Variants in CLCN5 observed in about 807,000 individuals in gnomAD.
The protein encoded by CLCN5 is Cl-/H+ antiporter 5, also known as H(+)/Cl(-) exchange transporter 5.
A neutral mutation model predicts 54.0 loss-of-function variants in CLCN5; 17 were observed. The ratio of observed to expected loss-of-function variants is 0.31; its 90% CI spans 0.22 to 0.47. The LOEUF is 0.47. Ranked by LOEUF, CLCN5 falls within the 20% of genes least tolerant of loss-of-function variation. The pLI is 1.00. For missense variants in CLCN5, 448 were observed against 646.7 expected, an observed-to-expected ratio of 0.69 and a Z score of 3.33; for synonymous variants, 222 against 233.0, an observed-to-expected ratio of 0.95 and a Z score of 0.43.
At chrX:50,049,110 C>G (rs1187527458) in intron 4 of CLCN5, among the ~76,000 whole-genome samples, 2 of 111,430 alleles carry the variant, frequency 1.8e-5, no homozygotes, top group Non-Finnish European at 1.9e-5. Flanking sequence ...TGTTACTTAA[C>G]TGTTTACTTC....
chrX:50,092,182 T>C lies in CLCN5; in HGVS notation c.2414T>C (p.Met805Thr). The C allele has an allele frequency of 8.3e-7, 1 of 1,203,707 alleles. No homozygotes were observed. ...GATGTGTTAAAGCATATAGCACAGA[T>C]GGCGAACCAAGATCCTGATTCCATT... is the stretch of plus-strand genomic sequence containing the variant. ...KKDVLKHIAQMANQDPDSILF... is the reference protein window; with the variant it reads ...KKDVLKHIAQTANQDPDSILF... The change falls in exon 15 of 15, where the codon ATG (methionine) becomes ACG (threonine). Residue 805 changes from methionine (M) to threonine (T), a missense_variant. Transcript: ENST00000376091.
At chrX:50,073,941 GC>G (rs1933313928) in intron 6 of CLCN5, among the ~76,000 whole-genome samples, 1 of 111,574 alleles carries the variant, frequency 9.0e-6, no homozygotes, top group African/African-American at 3.3e-5. Flanking sequence ...TGTTAACTCT[GC>G]CCCTTCTGGC....
At chrX:50,002,211 T>G (rs970669395) in intron 3 of CLCN5, among the ~76,000 whole-genome samples, 12 of 110,776 alleles carry the variant, frequency 1.1e-4, no homozygotes, top group African/African-American at 4.0e-4. Flanking sequence ...CAGCCTGGAC[T>G]TCTCTCCTGA....
intron 3 of CLCN5, among the ~76,000 whole-genome samples, chrX:49,995,596 T>G (rs1418402979): frequency 9.0e-6 from 1 of 111,455 alleles, no homozygotes; most frequent in Non-Finnish European, 1.9e-5. Context: ...GCTTGACAGC[T>G]CCTAAGAAAA....
At chrX:50,082,619 A>G (rs1933744784) in intron 9 of CLCN5, among the ~76,000 whole-genome samples, 1 of 111,432 alleles carries the variant, frequency 9.0e-6, no homozygotes, top group Non-Finnish European at 1.9e-5. Context: ...GGCTCACGTC[A>G]AACTGTTAAA....
At chrX:49,973,087 G>A (rs1485689936) in intron 3 of CLCN5, among the ~76,000 whole-genome samples, 4 of 111,180 alleles carry the variant, frequency 3.6e-5, no homozygotes, top group Admixed American at 1.9e-4. Flanking sequence ...TAAAGTTGGC[G>A]AAGCACTCCT....
intron 3 of CLCN5, among the ~76,000 whole-genome samples, chrX:49,930,301 A>G (rs1372831476): frequency 1.8e-5 from 2 of 112,134 alleles, no homozygotes; most frequent in Non-Finnish European, 3.8e-5. Flanking sequence ...AATATTTATT[A>G]AAAGCTTTAA....
At chrX:50,045,233 G>A (rs1932356310) in intron 4 of CLCN5, among the ~76,000 whole-genome samples, 1 of 111,221 alleles carries the variant, frequency 9.0e-6, no homozygotes, top group South Asian at 3.8e-4. Context: ...AGTAGGAGAG[G>A]GCCCCTGAAT....
rs1378190128 is a variant in CLCN5, at chrX:50,092,751, G to A, written c.*532G>A. ...AAGATTCAGTTCAAATGTTATCCTT[G>A]TTCCTGTTACAATATTTAGCATTAT... On this transcript the variant is annotated 3_prime_UTR_variant, in exon 15 of 15. Coordinates refer to ENST00000376091, the MANE Select transcript of CLCN5 (RefSeq NM_001127898.4). 8.5e-6 allele frequency: 1 copy of A among 118,060 alleles called. No homozygotes were observed. The highest frequency in any genetic ancestry group is 8.5e-5 in the Admixed American group (1 of 11,823). 9.7% of individuals were successfully genotyped at this position (118,060 alleles called of 1,213,427 possible).
At chrX:50,023,126 G>C (rs1461815468) in intron 3 of CLCN5, among the ~76,000 whole-genome samples, 3 of 96,426 alleles carry the variant, frequency 3.1e-5, no homozygotes, top group Non-Finnish European at 5.8e-5. Flanking sequence ...TCTCTTTGTA[G>C]GTCACTCAGG....
chrX:50,019,274 C>T (rs1288495251), intron 3 of CLCN5, among the ~76,000 whole-genome samples: 4 of 109,916 alleles, frequency 3.6e-5, no homozygotes, highest in Non-Finnish European at 7.6e-5. Flanking sequence ...ACCATATGAT[C>T]GATAGTGATG....
At chrX:49,932,881 A>AT (rs1277320775) in intron 3 of CLCN5, among the ~76,000 whole-genome samples, 2 of 111,636 alleles carry the variant, frequency 1.8e-5, no homozygotes, top group Middle Eastern at 9.2e-3. Context: ...GACTGTGCAG[A>AT]TTTTTTTTTG....
At chrX:50,030,869 C>CA (rs1399510899) in intron 3 of CLCN5, among the ~76,000 whole-genome samples, 2 of 111,907 alleles carry the variant, frequency 1.8e-5, no homozygotes, top group East Asian at 5.6e-4. Context: ...ATATAGCAGG[C>CA]AAATCTTTCA....
At chrX:49,943,859 T>G (rs1442588811) in intron 3 of CLCN5, among the ~76,000 whole-genome samples, 2 of 111,574 alleles carry the variant, frequency 1.8e-5, no homozygotes, top group African/African-American at 3.3e-5. Context: ...TTTGTTCTTT[T>G]GGCTTAGGAT....
At chrX:49,980,726 A>G (rs951692662) in intron 3 of CLCN5, among the ~76,000 whole-genome samples, 9 of 111,634 alleles carry the variant, frequency 8.1e-5, no homozygotes, top group Non-Finnish European at 1.7e-4. Context: ...TCAGGAAAAT[A>G]AAATATGACA....
At chrX:49,934,182 A>G (rs1164313609) in intron 3 of CLCN5, among the ~76,000 whole-genome samples, 2 of 111,618 alleles carry the variant, frequency 1.8e-5, no homozygotes, top group Non-Finnish European at 3.8e-5. Context: ...TTTTCCTACT[A>G]TGCTTTACTG....
At chrX:50,032,010 A>G (rs1330876284) in intron 3 of CLCN5, among the ~76,000 whole-genome samples, 4 of 107,816 alleles carry the variant, frequency 3.7e-5, no homozygotes, top group South Asian at 8.4e-4. Flanking sequence ...GAGAATGATG[A>G]TTTCCAATTT....
At chrX:50,056,124 G>A (rs1158087109) in intron 4 of CLCN5, among the ~76,000 whole-genome samples, 2 of 109,547 alleles carry the variant, frequency 1.8e-5, no homozygotes, top group African/African-American at 6.6e-5. Context: ...TGAATCCAAG[G>A]AGAATCTCAC....
intron 3 of CLCN5, among the ~76,000 whole-genome samples, chrX:50,018,115 A>G (rs907853947): frequency 8.9e-6 from 1 of 112,070 alleles, no homozygotes; most frequent in Non-Finnish European, 1.9e-5. Flanking sequence ...TTCATGGAAT[A>G]TCTATTTATT....
Sources: allele counts gnomAD v4.1 joint callset (sites outside exome capture counted in the v4.1 genomes callset), GRCh38; gene constraint gnomAD v4.1.1; transcripts MANE v1.5; gene names NCBI Gene and HGNC (gene_info 2026-07-23, HGNC 2026-07-21).